Variants in RANBP2 observed in about 807,000 individuals in gnomAD.
RANBP2 encodes RAN binding protein 2.
A neutral mutation model predicts 303.6 loss-of-function variants in RANBP2; 57 were observed. The observed-to-expected ratio is 0.19, with a 90% CI of 0.15 to 0.23. The LOEUF (loss-of-function observed/expected upper bound fraction) is 0.23. Ranked by LOEUF, RANBP2 falls within the 10% of genes least tolerant of loss-of-function variation. The pLI, the probability that RANBP2 is intolerant of heterozygous loss-of-function variation, is 1.00. For missense variants in RANBP2, 3,138 were observed against 3,780.8 expected (o/e 0.83, Z 4.46); for synonymous variants, 1,167 against 1,301.5 (o/e 0.90, Z 2.23).
the RANBP2 span, chr2:109,613,872 C>T: frequency 2.4e-6 from 3 of 1,230,918 alleles, no homozygotes; most frequent in Middle Eastern, 3.1e-4. Flanking sequence ...CAGCCCGGCC[C>T]CGAGCGGCTG....
the RANBP2 span, among the ~76,000 whole-genome samples, chr2:108,954,949 G>C: frequency 6.6e-6 from 1 of 152,242 alleles, no homozygotes; most frequent in South Asian, 2.1e-4. Flanking sequence ...CTCCCAAAGT[G>C]CTGGGATTAC....
intron 7 of RANBP2, among the ~76,000 whole-genome samples, chr2:108,745,342 C>G (rs1320029984): frequency 1.4e-5 from 2 of 146,762 alleles, no homozygotes; most frequent in Admixed American, 6.9e-5. Context: ...CATATAGTTA[C>G]TTTTGGCATG....
the RANBP2 span, among the ~76,000 whole-genome samples, chr2:109,062,059 G>T: frequency 6.6e-6 from 1 of 152,168 alleles, no homozygotes; most frequent in Non-Finnish European, 1.5e-5. Context: ...GGGGAGGGAG[G>T]CAGAATGGCT....
At chr2:109,244,199 G>C in the RANBP2 span, among the ~76,000 whole-genome samples, 1 of 152,274 alleles carries the variant, frequency 6.6e-6, no homozygotes, top group Middle Eastern at 3.4e-3. Flanking sequence ...CAAAACAATG[G>C]ATTCTAATCC....
At chr2:109,157,239 G>C in the RANBP2 span, among the ~76,000 whole-genome samples, 2 of 152,144 alleles carry the variant, frequency 1.3e-5, no homozygotes, top group African/African-American at 4.8e-5. Context: ...CTGCTGGTAG[G>C]TCTAGTTTTA....
the RANBP2 span, among the ~76,000 whole-genome samples, chr2:109,341,121 G>A: frequency 1.3e-5 from 2 of 152,234 alleles, no homozygotes; most frequent in Middle Eastern, 3.4e-3. Context: ...GAATGAGTGT[G>A]CAAATATGGG....
chr2:109,078,110 A>ATGGCG, the RANBP2 span, among the ~76,000 whole-genome samples: 1 of 84,026 alleles, frequency 1.2e-5, no homozygotes, highest in African/African-American at 4.9e-5. Flanking sequence ...ATATATATAT[A>ATGGCG]TATATATAGC....
At chr2:109,130,132 G>A in the RANBP2 span, 1 of 1,285,956 alleles carries the variant, frequency 7.8e-7, no homozygotes, top group Non-Finnish European at 9.8e-7. Context: ...CTGTCTCGGC[G>A]GAAGTGGCCA....
At chr2:109,248,369 T>G in the RANBP2 span, among the ~76,000 whole-genome samples, 1 of 152,330 alleles carries the variant, frequency 6.6e-6, no homozygotes, top group South Asian at 2.1e-4. Context: ...AGTTTTATGG[T>G]TTTGCCTCTC....
chr2:109,610,830 G>A, the RANBP2 span, among the ~76,000 whole-genome samples: 7 of 152,216 alleles, frequency 4.6e-5, no homozygotes, highest in South Asian at 4.1e-4. Context: ...AATTCCTCTC[G>A]AATCCCAGCA....
the RANBP2 span, among the ~76,000 whole-genome samples, chr2:109,715,207 T>A: frequency 1.3e-5 from 2 of 152,158 alleles, no homozygotes; most frequent in East Asian, 1.9e-4. Flanking sequence ...CCTGAGGTGA[T>A]CCACCCACCT....
the RANBP2 span, among the ~76,000 whole-genome samples, chr2:108,958,271 A>G: frequency 6.6e-6 from 1 of 152,078 alleles, no homozygotes; most frequent in Non-Finnish European, 1.5e-5. Flanking sequence ...CACTGTTGAG[A>G]CTCGCCTGTT....
chr2:109,237,744 C>T, the RANBP2 span, among the ~76,000 whole-genome samples: 1 of 151,988 alleles, frequency 6.6e-6, no homozygotes, highest in Non-Finnish European at 1.5e-5. Flanking sequence ...TTTGATTTAG[C>T]GATGACATCT....
chr2:109,240,477 A>G, the RANBP2 span, among the ~76,000 whole-genome samples: 1 of 152,168 alleles, frequency 6.6e-6, no homozygotes, highest in Non-Finnish European at 1.5e-5. Context: ...GACAAACAAA[A>G]AAACAAACAA....
At chr2:109,494,390 G>T in the RANBP2 span, among the ~76,000 whole-genome samples, 6 of 152,116 alleles carry the variant, frequency 3.9e-5, no homozygotes, top group Non-Finnish European at 7.4e-5. Flanking sequence ...CCCCAGAAGT[G>T]CCCCCTCCCC....
chr2:109,246,898 C>T, the RANBP2 span, among the ~76,000 whole-genome samples: 1,108 of 152,240 alleles, frequency 7.3e-3, 8 homozygotes, highest in South Asian at 0.023. Flanking sequence ...ATGCTAGGAC[C>T]CCTCTGACTC....
At chr2:109,184,627 C>T in the RANBP2 span, among the ~76,000 whole-genome samples, 1 of 152,138 alleles carries the variant, frequency 6.6e-6, no homozygotes, top group African/African-American at 2.4e-5. Flanking sequence ...CCATGGGCTT[C>T]CCAGAGAGTG....
At position 108,771,859 on chromosome 2, in the gene RANBP2, G is replaced by A; in HGVS notation, c.8008G>A (p.Glu2670Lys). The A allele has an allele frequency of 1.2e-6, 2 of 1,613,988 alleles. No individual in the cohort carries two copies. The highest frequency in any genetic ancestry group is 1.7e-6 in the Non-Finnish European group (2 of 1,179,930). ...YKNRPDYVSE[E>K]EEDDEDFETA... Reference sequence around the variant, plus strand: ...GAATAGACCAGATTATGTTAGTGAAGAAGAGGAGGATGGTAAAACTTTTGT... The same window carrying A: ...GAATAGACCAGATTATGTTAGTGAAAAAGAGGAGGATGGTAAAACTTTTGT... Residue 2670 changes from glutamate (E) to lysine (K), a missense_variant, in exon 21 of 29, where the codon GAA becomes AAA. By Grantham distance (56) the Glu-to-Lys change is moderately conservative (BLOSUM62 1). This residue lies in a region of RANBP2 where 497 missense variants were observed against 465.8 expected (regional missense o/e 1.07). Coordinates refer to ENST00000283195, the MANE Select transcript of RANBP2 (RefSeq NM_006267.5).
At chr2:109,124,008 ATTTATTTATTT>A in the RANBP2 span, among the ~76,000 whole-genome samples, 1 of 91,494 alleles carries the variant, frequency 1.1e-5, no homozygotes, top group Non-Finnish European at 3.1e-5. Flanking sequence ...TTATTTATTT[ATTTATTTATTT>A]ATTATTTTTT....
Sources: gnomAD v4.1 joint callset for allele counts (sites outside exome capture counted in the v4.1 genomes callset) on GRCh38, gnomAD v4.1.1 for gene constraint, gnomAD v4.1.1 regional missense constraint, MANE v1.5 for transcripts, NCBI Gene and HGNC (gene_info 2026-07-23, HGNC 2026-07-21) for gene names.